Variants in TMEM267 observed in about 807,000 individuals in gnomAD.
The protein encoded by TMEM267 is transmembrane protein C5orf28.
Under a neutral mutation model 19.3 loss-of-function variants are expected in TMEM267, and 20 were observed. The observed-to-expected ratio is 1.04, with a 90% CI of 0.73 to 1.51. The LOEUF is 1.51. Ranked by LOEUF, TMEM267 falls within the 40% of genes most tolerant of loss-of-function variation. TMEM267 has a pLI of 0.00. For synonymous variants in TMEM267, 88 were observed against 90.3 expected, an observed-to-expected ratio of 0.97 and a Z score of 0.15; for missense variants, 242 against 261.9, an observed-to-expected ratio of 0.92 and a Z score of 0.52.
upstream of TMEM267, chr5:43,483,969 C>T (rs939008263): frequency 2.0e-5 from 3 of 152,232 alleles, no homozygotes; most frequent in Non-Finnish European, 4.4e-5. Context: ...AGCTCCAAGT[C>T]GAAAGGAAGC....
Position 43,446,205 on chromosome 5 carries a change from TA to T in TMEM267, c.*16del. 6.4e-7 allele frequency: 1 copy of T among 1,556,838 alleles called. No individual in the cohort carries two copies. The highest frequency in any genetic ancestry group is 8.8e-7 in the Non-Finnish European group (1 of 1,135,296). On this transcript the variant is annotated 3_prime_UTR_variant, in exon 3 of 3. Transcript: ENST00000397080. Reference sequence around the variant, plus strand: ...TCATCATCTGAGCCATTTGCTTCTCTAAGACTGCCGTGTACCTCAGACATCA... The same window carrying T: ...TCATCATCTGAGCCATTTGCTTCTCTAGACTGCCGTGTACCTCAGACATCA...
intron 1 of TMEM267, among the ~76,000 whole-genome samples, chr5:43,454,767 C>A (rs1035193282): frequency 6.6e-6 from 1 of 152,292 alleles, no homozygotes; most frequent in Admixed American, 6.5e-5. Context: ...CCCATCAAAT[C>A]CCCTTTACAT....
chr5:43,469,460 G>A (rs982144537), intron 1 of TMEM267, among the ~76,000 whole-genome samples: 8 of 152,050 alleles, frequency 5.3e-5, no homozygotes, highest in Admixed American at 1.3e-4. Context: ...TTCAACATAC[G>A]CAAATCAATC....
At chr5:43,460,271 T>A (rs761208948) in intron 1 of TMEM267, among the ~76,000 whole-genome samples, 4 of 152,156 alleles carry the variant, frequency 2.6e-5, no homozygotes, top group Non-Finnish European at 5.9e-5. Flanking sequence ...TAATGGGCCA[T>A]GAACCTGTAC....
At position 43,450,929 on chromosome 5, in the gene TMEM267, G is replaced by T. The variant is rs376663855; in HGVS notation, c.312+2729C>A. On this transcript the variant is annotated intron_variant, in intron 2 of 2. Coordinates refer to ENST00000397080, the MANE Select transcript of TMEM267 (RefSeq NM_022483.5). ...GGCTCATTGCAACCTCCACCTCCCGGGTTCAAGCAATTCTCTTGCCTCAAC... is the reference window on the plus strand; with the variant it reads ...GGCTCATTGCAACCTCCACCTCCCGTGTTCAAGCAATTCTCTTGCCTCAAC... Among the ~76,000 whole-genome samples, 47 of 152,056 alleles carry T rather than the reference G, an allele frequency of 3.1e-4. No individual in the cohort carries two copies. In the East Asian group the frequency reaches 5.2e-3, roughly 17 times the overall value.
chr5:43,472,187 A>T (rs1744120459), intron 1 of TMEM267, among the ~76,000 whole-genome samples: 1 of 152,232 alleles, frequency 6.6e-6, no homozygotes, highest in African/African-American at 2.4e-5. Flanking sequence ...GGCATATGTA[A>T]AGGTGCTCAG....
At chr5:43,478,935 G>A (rs925473775) in intron 1 of TMEM267, among the ~76,000 whole-genome samples, 1 of 151,712 alleles carries the variant, frequency 6.6e-6, no homozygotes, top group Admixed American at 6.6e-5. Context: ...ACTTTCTCGT[G>A]GTCAATTTGA....
intron 1 of TMEM267, among the ~76,000 whole-genome samples, chr5:43,469,176 A>G (rs981823017): frequency 6.6e-6 from 1 of 152,192 alleles, no homozygotes; most frequent in Non-Finnish European, 1.5e-5. Context: ...AGAGCAAAGC[A>G]AGCCCAAAAT....
At chr5:43,468,346 T>C (rs894779279) in intron 1 of TMEM267, among the ~76,000 whole-genome samples, 9 of 152,080 alleles carry the variant, frequency 5.9e-5, no homozygotes, top group African/African-American at 1.7e-4. Flanking sequence ...CATTCTTGGA[T>C]GTGCTGGGAG....
rs1383382339 is a variant in TMEM267, at chr5:43,446,279, A to G, written c.591T>C (p.Tyr197=). Residue 197 remains tyrosine (Y), a synonymous_variant, in exon 3 of 3, where the codon TAT becomes TAC. Transcript: ENST00000397080. Reference sequence around the variant, plus strand: ...ACATCATTTGTCTGGTTCCTGTTAAATACATAACGAATGAACAGATGTGAG... The same window carrying G: ...ACATCATTTGTCTGGTTCCTGTTAAGTACATAACGAATGAACAGATGTGAG... ...SLPHICSFVM[Y]LTGTRQMMSS... 1 of 1,613,880 alleles carries G rather than the reference A, an allele frequency of 6.2e-7. No homozygotes were observed. The highest frequency in any genetic ancestry group is 8.5e-7 in the Non-Finnish European group (1 of 1,179,738).
At chr5:43,458,680 A>G (rs1185478395) in intron 1 of TMEM267, among the ~76,000 whole-genome samples, 1 of 152,206 alleles carries the variant, frequency 6.6e-6, no homozygotes, top group African/African-American at 2.4e-5. Flanking sequence ...CATGTCAATT[A>G]TACTCCAACA....
intron 2 of TMEM267, among the ~76,000 whole-genome samples, chr5:43,448,849 A>C (rs1436082849): frequency 6.6e-6 from 1 of 152,014 alleles, no homozygotes; most frequent in Non-Finnish European, 1.5e-5. Context: ...AAACAAAAAA[A>C]AATTTTTTTT....
intron 1 of TMEM267, among the ~76,000 whole-genome samples, chr5:43,467,146 C>CAAAAA (rs70994698): frequency 2.0e-4 from 10 of 48,946 alleles, no homozygotes; most frequent in Admixed American, 4.3e-4. Context: ...GAGACTCTGT[C>CAAAAA]AAAAAAAAAA....
intron 1 of TMEM267, chr5:43,454,692 G>A (rs976674274): frequency 6.6e-6 from 1 of 152,126 alleles, no homozygotes; most frequent in Non-Finnish European, 1.5e-5. Context: ...AACGTCTAAA[G>A]GTTCTCAGAG....
At chr5:43,468,594 G>A (rs1366942179) in intron 1 of TMEM267, among the ~76,000 whole-genome samples, 5 of 152,268 alleles carry the variant, frequency 3.3e-5, no homozygotes, top group Admixed American at 6.5e-5. Context: ...ACCACCTTGG[G>A]CACATGTCAT....
intron 1 of TMEM267, among the ~76,000 whole-genome samples, chr5:43,455,795 C>T (rs1742912825): frequency 6.6e-6 from 1 of 152,146 alleles, no homozygotes; most frequent in African/African-American, 2.4e-5. Context: ...TCAAGTGATC[C>T]ACCCACCTCA....
chr5:43,453,930 T>C lies in TMEM267; in HGVS notation c.40A>G (p.Thr14Ala), dbSNP rs1579790897. The change falls in exon 2 of 3, where the codon ACT (threonine) becomes GCT (alanine). Residue 14 changes from threonine to alanine, a missense_variant. By Grantham distance (58) the Thr-to-Ala change is moderately conservative (BLOSUM62 0). Coordinates refer to ENST00000397080, the MANE Select transcript of TMEM267 (RefSeq NM_022483.5). Reference sequence around the variant, plus strand: ...GAAATAAGAGATTCAGTGCTACAAGTCTGCAGTAAAGCATGGGTCTTTTCA... The same window carrying C: ...GAAATAAGAGATTCAGTGCTACAAGCCTGCAGTAAAGCATGGGTCTTTTCA... ...ETEKTHALLQ[T>A]CSTESLISSL... 3 of 1,614,022 alleles carry C rather than the reference T, an allele frequency of 1.9e-6. No individual in the cohort carries two copies. The highest frequency in any genetic ancestry group is 2.5e-6 in the Non-Finnish European group (3 of 1,179,978).
chr5:43,480,414 A>C (rs1744685586), intron 1 of TMEM267, among the ~76,000 whole-genome samples: 5 of 151,948 alleles, frequency 3.3e-5, no homozygotes, highest in Admixed American at 2.6e-4. Context: ...CCTAGGCTCA[A>C]GCAATTCTCC....
At chr5:43,471,228 A>G (rs1274408545) in intron 1 of TMEM267, among the ~76,000 whole-genome samples, 1 of 152,176 alleles carries the variant, frequency 6.6e-6, no homozygotes, top group Non-Finnish European at 1.5e-5. Flanking sequence ...CTAGGAATTA[A>G]CCAAAGAAGT....
Sources: allele counts gnomAD v4.1 joint callset (sites outside exome capture counted in the v4.1 genomes callset), GRCh38; gene constraint gnomAD v4.1.1; transcripts MANE v1.5; gene names NCBI Gene and HGNC (gene_info 2026-07-23, HGNC 2026-07-21).